The following DPP6 variants were observed in gnomAD, a reference collection of about 807,000 sequenced individuals.
DPP6 encodes A-type potassium channel modulatory protein DPP6.
DPP6 carries 69 observed loss-of-function variants against 122.6 expected under a neutral mutation model. That is an observed-to-expected ratio of 0.56 (90% CI 0.46 to 0.69). The LOEUF (loss-of-function observed/expected upper bound fraction) is 0.69, where lower values mean the gene tolerates loss of function less well. DPP6 is among the 30% of genes least tolerant of loss of function. The pLI is 0.00. For synonymous variants in DPP6, 418 were observed against 433.1 expected, an observed-to-expected ratio of 0.97 and a Z score of 0.43; for missense variants, 928 against 1,116.9, an observed-to-expected ratio of 0.83 and a Z score of 2.41.
At position 154,466,773 on chromosome 7, in the gene DPP6, C is replaced by A. The variant is rs575274634; in HGVS notation, c.359-8166C>A. 1.1e-3 allele frequency among the ~76,000 whole-genome samples: 169 copies of A among 152,346 alleles called. No homozygotes were observed. In the Middle Eastern group the frequency reaches 0.017, roughly 15 times the overall value. ...ATGGCCCTGTCTTACCTAACACAGT[C>A]TGTTCTCTGACCCGCAAAGATTCAC... is the stretch of plus-strand genomic sequence containing the variant. On this transcript the variant is annotated intron_variant, in intron 2 of 25. Transcript: ENST00000377770.
intron 1 of DPP6, among the ~76,000 whole-genome samples, chr7:154,213,173 G>A (rs1158898091): frequency 6.6e-6 from 1 of 152,186 alleles, no homozygotes; most frequent in East Asian, 1.9e-4. Flanking sequence ...GATTCCAAAT[G>A]TAGACGTAAT....
intron 1 of DPP6, among the ~76,000 whole-genome samples, chr7:153,913,368 C>T (rs943230444): frequency 2.6e-5 from 4 of 152,250 alleles, no homozygotes; most frequent in Non-Finnish European, 5.9e-5. Context: ...CCACTGCACC[C>T]GGCCAACATA....
At chr7:154,588,727 G>T (rs1011944670) in intron 5 of DPP6, 1 of 149,576 alleles carries the variant, frequency 6.7e-6, no homozygotes, top group Non-Finnish European at 1.5e-5. Flanking sequence ...AAATAATCTT[G>T]TGGTCTTTCT....
At chr7:154,047,702 A>G (rs1800093963), upstream of DPP6, among the ~76,000 whole-genome samples, 3 of 152,240 alleles carry the variant, frequency 2.0e-5, no homozygotes, top group Non-Finnish European at 4.4e-5. Flanking sequence ...GCAAGATTTG[A>G]TAAATATTCA....
At chr7:154,235,147 C>T (rs779620533) in intron 1 of DPP6, among the ~76,000 whole-genome samples, 7 of 152,298 alleles carry the variant, frequency 4.6e-5, no homozygotes, top group Middle Eastern at 3.4e-3. Context: ...TTATCACCCC[C>T]GAAGGAAACT....
At chr7:154,551,630 G>A (rs546774048) in intron 4 of DPP6, among the ~76,000 whole-genome samples, 32 of 152,118 alleles carry the variant, frequency 2.1e-4, no homozygotes, top group Non-Finnish European at 3.8e-4. Flanking sequence ...AAACTTGTTG[G>A]ATCTGTATTT....
chr7:154,099,599 T>C (rs1157416729), intron 1 of DPP6, among the ~76,000 whole-genome samples: 4 of 148,546 alleles, frequency 2.7e-5, no homozygotes, highest in African/African-American at 1.0e-4. Context: ...GAAGAGCATT[T>C]TGAGAATACA....
chr7:154,032,466 C>T, intron 1 of DPP6, among the ~76,000 whole-genome samples: 1 of 152,258 alleles, frequency 6.6e-6, no homozygotes, highest in East Asian at 1.9e-4. Flanking sequence ...TTGTCCAAGA[C>T]AATTCCCCAG....
At chr7:154,191,815 G>A (rs1341606866) in intron 1 of DPP6, among the ~76,000 whole-genome samples, 1 of 152,132 alleles carries the variant, frequency 6.6e-6, no homozygotes, top group Non-Finnish European at 1.5e-5. Context: ...TTCTTACCTG[G>A]CCTTCTTTAG....
intron 1 of DPP6, among the ~76,000 whole-genome samples, chr7:154,443,554 GGACGGATGTGGATGAAT>G (rs1413742112): frequency 6.9e-6 from 1 of 144,028 alleles, no homozygotes; most frequent in Non-Finnish European, 1.5e-5. Context: ...GTGAATGGAT[GGACGGATGTGGATGAAT>G]AGATGGATGG....
At chr7:153,860,737 C>T in the DPP6 span, among the ~76,000 whole-genome samples, 1 of 152,006 alleles carries the variant, frequency 6.6e-6, no homozygotes, top group Non-Finnish European at 1.5e-5. Context: ...TGGGTACTTC[C>T]TGTTGTCCTT....
At chr7:154,404,417 A>G (rs1815897301) in intron 1 of DPP6, among the ~76,000 whole-genome samples, 1 of 152,230 alleles carries the variant, frequency 6.6e-6, no homozygotes, top group South Asian at 2.1e-4. Context: ...ATAAAATACC[A>G]CACAGAAAAT....
intron 1 of DPP6, among the ~76,000 whole-genome samples, chr7:153,942,041 A>G (rs1273562568): frequency 6.6e-6 from 1 of 152,236 alleles, no homozygotes; most frequent in African/African-American, 2.4e-5. Context: ...AAGATGCTGG[A>G]TAGAGAATAC....
chr7:154,270,809 C>T (rs779650640), intron 1 of DPP6, among the ~76,000 whole-genome samples: 1 of 152,266 alleles, frequency 6.6e-6, no homozygotes, highest in Admixed American at 6.5e-5. Flanking sequence ...AAATTCTGCC[C>T]TGGTTCTGGG....
intron 2 of DPP6, 113 bp from the exon 3 acceptor site, chr7:154,474,826 G>C (rs560217379): frequency 9.5e-5 from 72 of 758,606 alleles, no homozygotes; most frequent in Non-Finnish European, 1.4e-4. Context: ...ACTTATGGAC[G>C]TCATGTGTGT....
intron 1 of DPP6, chr7:154,095,966 C>A (rs901662101): frequency 1.5e-5 from 2 of 131,828 alleles, no homozygotes; most frequent in African/African-American, 5.7e-5. Context: ...GAGCTAAGTT[C>A]CAGGCGAGAC....
intron 9 of DPP6, among the ~76,000 whole-genome samples, chr7:154,771,382 G>A (rs1303391017): frequency 2.0e-5 from 3 of 152,224 alleles, no homozygotes; most frequent in Non-Finnish European, 4.4e-5. Context: ...CTGGCTTGCA[G>A]ACAGCCGCCT....
chr7:154,075,239 AGT>A (rs879062217), intron 1 of DPP6, among the ~76,000 whole-genome samples: 1 of 151,960 alleles, frequency 6.6e-6, no homozygotes. Context: ...TATGGAAAAC[AGT>A]GTGGAGATTC....
At chr7:154,217,950 T>G (rs1800096163) in intron 1 of DPP6, among the ~76,000 whole-genome samples, 1 of 152,248 alleles carries the variant, frequency 6.6e-6, no homozygotes, top group African/African-American at 2.4e-5. Context: ...GTGAATGACC[T>G]GTGATTCTGC....
Sources: gnomAD v4.1 joint callset for allele counts (sites outside exome capture counted in the v4.1 genomes callset) on GRCh38, gnomAD v4.1.1 for gene constraint, MANE v1.5 for transcripts, NCBI Gene and HGNC (gene_info 2026-07-23, HGNC 2026-07-21) for gene names.